The following ADAMTS12 variants were observed in gnomAD, a reference collection of about 807,000 sequenced individuals.
ADAMTS12 encodes the protein ADAM metallopeptidase with thrombospondin type 1 motif 12.
Under a neutral mutation model 167.8 loss-of-function variants are expected in ADAMTS12, and 118 were observed. The observed-to-expected ratio is 0.70, with a 90% CI of 0.61 to 0.82. The LOEUF (loss-of-function observed/expected upper bound fraction) is 0.82, where lower values mean the gene tolerates loss of function less well. Ranked by LOEUF, ADAMTS12 falls within the 40% of genes least tolerant of loss-of-function variation. The pLI is 0.00. For synonymous variants in ADAMTS12, 704 were observed against 716.9 expected (o/e 0.98, Z 0.29); for missense variants, 1,916 against 1,998.8 (o/e 0.96, Z 0.79).
At chr5:33,873,436 G>A (rs1383528728) in intron 2 of ADAMTS12, among the ~76,000 whole-genome samples, 1 of 151,886 alleles carries the variant, frequency 6.6e-6, no homozygotes, top group African/African-American at 2.4e-5. Flanking sequence ...TATATGAAGA[G>A]ATATTCCATG....
chr5:33,732,179 AC>A (rs1193377163), intron 3 of ADAMTS12, among the ~76,000 whole-genome samples: 2 of 152,212 alleles, frequency 1.3e-5, no homozygotes, highest in Admixed American at 6.5e-5. Flanking sequence ...TACATGTACC[AC>A]ATATTCACCA....
intron 3 of ADAMTS12, among the ~76,000 whole-genome samples, chr5:33,721,279 TG>T (rs2112335604): frequency 6.6e-6 from 1 of 152,306 alleles, no homozygotes; most frequent in African/African-American, 2.4e-5. Context: ...CTTCTTGGCG[TG>T]GGTGTTAGTT....
intron 2 of ADAMTS12, among the ~76,000 whole-genome samples, chr5:33,757,486 G>A (rs1745206850): frequency 6.6e-6 from 1 of 152,140 alleles, no homozygotes; most frequent in South Asian, 2.1e-4. Context: ...CACTTCTAGA[G>A]GGAGTTGTAC....
intron 2 of ADAMTS12, among the ~76,000 whole-genome samples, chr5:33,870,306 A>T (rs1749989934): frequency 6.6e-6 from 1 of 152,238 alleles, no homozygotes; most frequent in Non-Finnish European, 1.5e-5. Flanking sequence ...GGAAATTATA[A>T]GACTATTGAC....
At chr5:33,582,954 C>T (rs571565821) in intron 18 of ADAMTS12, among the ~76,000 whole-genome samples, 118 of 152,246 alleles carry the variant, frequency 7.8e-4, no homozygotes, top group African/African-American at 2.7e-3. Flanking sequence ...ATGGGGTATC[C>T]ACCCTCTCAA....
intron 23 of ADAMTS12, among the ~76,000 whole-genome samples, chr5:33,529,746 G>A (rs1744005349): frequency 6.6e-6 from 1 of 151,996 alleles, no homozygotes; most frequent in Non-Finnish European, 1.5e-5. Context: ...GTCCTGTTTG[G>A]TGCTGAAGTT....
At chr5:33,635,353 T>C (rs1308013807) in intron 12 of ADAMTS12, among the ~76,000 whole-genome samples, 3 of 152,166 alleles carry the variant, frequency 2.0e-5, no homozygotes, top group African/African-American at 7.2e-5. Context: ...ATTCAGTGCA[T>C]TGGTCTTAAG....
chr5:33,642,660 G>T (rs1740506234), intron 10 of ADAMTS12, among the ~76,000 whole-genome samples: 1 of 152,158 alleles, frequency 6.6e-6, no homozygotes, highest in African/African-American at 2.4e-5. Flanking sequence ...TGAAAACAAA[G>T]GGAAATGCTA....
At chr5:33,562,314 A>G (rs1227301337) in intron 19 of ADAMTS12, among the ~76,000 whole-genome samples, 1 of 152,112 alleles carries the variant, frequency 6.6e-6, no homozygotes, top group Non-Finnish European at 1.5e-5. Flanking sequence ...TTCCCCTCAA[A>G]GTGTTTTTGT....
chr5:33,650,180 C>A (rs370020716), intron 7 of ADAMTS12, among the ~76,000 whole-genome samples: 1 of 152,186 alleles, frequency 6.6e-6, no homozygotes, highest in Non-Finnish European at 1.5e-5. Context: ...GGATCAATGT[C>A]TTTCTACTAT....
At chr5:33,761,034 G>C (rs1003275205) in intron 2 of ADAMTS12, among the ~76,000 whole-genome samples, 3 of 152,198 alleles carry the variant, frequency 2.0e-5, no homozygotes, top group African/African-American at 7.2e-5. Flanking sequence ...GGGAGCCCAG[G>C]AAACATGTTA....
At chr5:33,600,491 T>C (rs1426879567) in intron 16 of ADAMTS12, among the ~76,000 whole-genome samples, 1 of 152,218 alleles carries the variant, frequency 6.6e-6, no homozygotes, top group Admixed American at 6.5e-5. Context: ...AAATTCAGTT[T>C]AGACAACTGA....
chr5:33,577,753 T>G (rs1433746197), intron 18 of ADAMTS12, among the ~76,000 whole-genome samples: 3 of 152,112 alleles, frequency 2.0e-5, no homozygotes, highest in Admixed American at 2.0e-4. Flanking sequence ...TACTCTAAAA[T>G]TTAAAGGTAC....
At chr5:33,582,477 C>T (rs1747116754) in intron 18 of ADAMTS12, among the ~76,000 whole-genome samples, 1 of 152,204 alleles carries the variant, frequency 6.6e-6, no homozygotes, top group Non-Finnish European at 1.5e-5. Context: ...ATGAGTCTAG[C>T]TTTGCTTCCC....
At chr5:33,770,728 A>C (rs1320575780) in intron 2 of ADAMTS12, among the ~76,000 whole-genome samples, 2 of 151,638 alleles carry the variant, frequency 1.3e-5, no homozygotes, top group Non-Finnish European at 2.9e-5. Context: ...TTCCCTGACC[A>C]CACAACCAAA....
intron 3 of ADAMTS12, among the ~76,000 whole-genome samples, chr5:33,709,184 A>T (rs1294782083): frequency 6.6e-6 from 1 of 152,172 alleles, no homozygotes; most frequent in African/African-American, 2.4e-5. Flanking sequence ...AATGGTAATT[A>T]TTACAAAATC....
intron 3 of ADAMTS12, among the ~76,000 whole-genome samples, chr5:33,687,091 T>G (rs1742362764): frequency 6.6e-6 from 1 of 150,860 alleles, no homozygotes; most frequent in Non-Finnish European, 1.5e-5. Context: ...GACATGAGTT[T>G]TTTTTTTTTA....
chr5:33,785,451 A>C (rs55883332), intron 2 of ADAMTS12, among the ~76,000 whole-genome samples: 18,209 of 151,890 alleles, frequency 0.12, 1,501 homozygotes, highest in East Asian at 0.4. Flanking sequence ...GTGTGTGTAC[A>C]TGTGTGTGTG....
chr5:33,832,204 G>A (rs1382672114), intron 2 of ADAMTS12, among the ~76,000 whole-genome samples: 1 of 152,108 alleles, frequency 6.6e-6, no homozygotes, highest in Non-Finnish European at 1.5e-5. Context: ...TATATAAGTT[G>A]GTGATTGAAA....
Sources: allele counts gnomAD v4.1 joint callset (sites outside exome capture counted in the v4.1 genomes callset), GRCh38; gene constraint gnomAD v4.1.1; transcripts MANE v1.5; gene names NCBI Gene and HGNC (gene_info 2026-07-23, HGNC 2026-07-21).